The following PDCD10 variants were observed in gnomAD, a reference collection of about 807,000 sequenced individuals.
PDCD10 encodes programmed cell death 10.
PDCD10 carries 4 observed loss-of-function variants against 29.2 expected under a neutral mutation model. The observed-to-expected ratio is 0.14, with a 90% CI of 0.07 to 0.31. The LOEUF (loss-of-function observed/expected upper bound fraction) is 0.31, where lower values mean the gene tolerates loss of function less well. Ranked by LOEUF, PDCD10 falls within the 10% of genes least tolerant of loss-of-function variation. The probability of loss-of-function intolerance (pLI) is 1.00; values close to 1 mark genes in which losing one functional copy is unlikely to be tolerated. For missense variants in PDCD10, 183 were observed against 257.9 expected (o/e 0.71, Z 1.99); for synonymous variants, 70 against 82.2 (o/e 0.85, Z 0.80).
At position 167,710,286 on chromosome 3, in the gene PDCD10, T is replaced by C. The variant is rs547067174; in HGVS notation, c.97-5391A>G. On this transcript the variant is annotated intron_variant, in intron 3 of 8. Coordinates refer to ENST00000392750, the MANE Select transcript of PDCD10 (RefSeq NM_007217.4). ...GTCCCCGAGTCCAGGCCTAGGCTTT[T>C]GGACAGCATTTCTAGACCTGTCCTG... Among the ~76,000 whole-genome samples the C allele has an allele frequency of 1.5e-4, 23 of 152,288 alleles. 1 individual carries two copies. The South Asian group carries it at 4.6e-3, about 30-fold the overall frequency.
chr3:167,688,580 C>T (rs1171203344), intron 6 of PDCD10, among the ~76,000 whole-genome samples: 1 of 152,062 alleles, frequency 6.6e-6, no homozygotes. Context: ...CACATTTTAA[C>T]CTCATAGCAA....
intron 2 of PDCD10, among the ~76,000 whole-genome samples, chr3:167,730,060 T>C (rs1724638743): frequency 6.6e-6 from 1 of 152,146 alleles, no homozygotes; most frequent in South Asian, 2.1e-4. Context: ...TATAATACAC[T>C]TAAGACACAT....
intron 4 of PDCD10, chr3:167,697,808 T>C: frequency 5.1e-6 from 2 of 393,570 alleles, no homozygotes; most frequent in Middle Eastern, 4.8e-4. Flanking sequence ...GACACTAAAA[T>C]TTTCTAGCCA....
intron 2 of PDCD10, among the ~76,000 whole-genome samples, chr3:167,731,307 T>C (rs1220033168): frequency 6.6e-6 from 1 of 152,186 alleles, no homozygotes; most frequent in Non-Finnish European, 1.5e-5. Flanking sequence ...GTGATAAGTC[T>C]CTAAAATGCT....
At chr3:167,717,320 G>A (rs545235508) in intron 3 of PDCD10, among the ~76,000 whole-genome samples, 3 of 152,052 alleles carry the variant, frequency 2.0e-5, no homozygotes, top group South Asian at 4.1e-4. Context: ...TAGCTATCAT[G>A]GATCTAACGT....
intron 6 of PDCD10, among the ~76,000 whole-genome samples, chr3:167,692,740 A>C (rs1403583406): frequency 6.6e-6 from 1 of 152,202 alleles, no homozygotes; most frequent in Non-Finnish European, 1.5e-5. Flanking sequence ...AACACAGTGA[A>C]ACCCCATCTC....
intron 2 of PDCD10, among the ~76,000 whole-genome samples, chr3:167,728,404 C>T (rs1023266362): frequency 8.6e-5 from 13 of 152,046 alleles, no homozygotes; most frequent in African/African-American, 2.9e-4. Flanking sequence ...AGGAGGCAGC[C>T]GGTGTGTAAC....
At chr3:167,722,481 A>G (rs1023108712) in intron 2 of PDCD10, among the ~76,000 whole-genome samples, 2 of 152,212 alleles carry the variant, frequency 1.3e-5, no homozygotes, top group African/African-American at 2.4e-5. Flanking sequence ...GAAGGTAGCC[A>G]AAAGTTTTAA....
At chr3:167,733,561 T>C (rs1725038691) in intron 2 of PDCD10, among the ~76,000 whole-genome samples, 1 of 151,838 alleles carries the variant, frequency 6.6e-6, no homozygotes, top group Non-Finnish European at 1.5e-5. Flanking sequence ...GTCAAGAAAA[T>C]GGGGGAAAAG....
intron 2 of PDCD10, among the ~76,000 whole-genome samples, chr3:167,726,292 T>C (rs1724171493): frequency 6.6e-6 from 1 of 151,928 alleles, no homozygotes; most frequent in Non-Finnish European, 1.5e-5. Flanking sequence ...GAGATGGGGG[T>C]TTCACCATGT....
intron 4 of PDCD10, among the ~76,000 whole-genome samples, chr3:167,698,746 TTCTC>T (rs147043304): frequency 0.27 from 41,606 of 151,764 alleles, 6,296 homozygotes; most frequent in African/African-American, 0.4. Flanking sequence ...AGGGGGAACA[TTCTC>T]TATGTGCTTG....
At chr3:167,712,530 G>A (rs1333717858) in intron 3 of PDCD10, among the ~76,000 whole-genome samples, 4 of 151,272 alleles carry the variant, frequency 2.6e-5, no homozygotes, top group Non-Finnish European at 5.9e-5. Flanking sequence ...TTGCTAAAAG[G>A]AAGACAGAAA....
At chr3:167,714,194 C>T (rs1300313648) in intron 3 of PDCD10, among the ~76,000 whole-genome samples, 2 of 151,982 alleles carry the variant, frequency 1.3e-5, no homozygotes, top group African/African-American at 4.8e-5. Context: ...TTCATAATAA[C>T]CAAGGAGATT....
At chr3:167,719,932 C>A (rs937165700) in intron 3 of PDCD10, 130 bp downstream of exon 3, 150 of 735,860 alleles carry the variant, frequency 2.0e-4, no homozygotes, top group Non-Finnish European at 3.4e-4. Context: ...TGCCCTGATA[C>A]AATGCCTAAC....
intron 8 of PDCD10, among the ~76,000 whole-genome samples, chr3:167,686,512 A>G (rs1449928560): frequency 6.6e-6 from 1 of 152,192 alleles, no homozygotes; most frequent in African/African-American, 2.4e-5. Flanking sequence ...GGAATTTTTT[A>G]AAAACTGTCC....
intron 3 of PDCD10, among the ~76,000 whole-genome samples, chr3:167,713,226 A>AACAT (rs1292778518): frequency 6.6e-6 from 1 of 152,020 alleles, no homozygotes; most frequent in Non-Finnish European, 1.5e-5. Context: ...TTCAACTAGT[A>AACAT]TCAAACATCT....
intron 4 of PDCD10, among the ~76,000 whole-genome samples, chr3:167,702,617 G>A (rs1286124269): frequency 6.6e-6 from 1 of 152,028 alleles, no homozygotes; most frequent in Non-Finnish European, 1.5e-5. Context: ...AATATTCAAT[G>A]GTATTATCTT....
At chr3:167,696,961 T>G in intron 5 of PDCD10, 48 bp downstream of exon 5, 1 of 912,904 alleles carries the variant, frequency 1.1e-6, no homozygotes, top group Non-Finnish European at 1.8e-6. Context: ...TTAGAGGAAG[T>G]GCTATTTAAC....
At chr3:167,707,608 G>A (rs1391015932) in intron 3 of PDCD10, among the ~76,000 whole-genome samples, 1 of 151,548 alleles carries the variant, frequency 6.6e-6, no homozygotes, top group African/African-American at 2.4e-5. Flanking sequence ...AACCTGGGAG[G>A]CAGAGCTTGC....
Sources: gnomAD v4.1 joint callset for allele counts (sites outside exome capture counted in the v4.1 genomes callset) on GRCh38, gnomAD v4.1.1 for gene constraint, MANE v1.5 for transcripts, NCBI Gene and HGNC (gene_info 2026-07-23, HGNC 2026-07-21) for gene names.